The following WDR27 variants were observed in gnomAD, a reference collection of about 807,000 sequenced individuals.
WDR27 encodes WD repeat-containing protein 27.
WDR27 carries 100 observed loss-of-function variants against 114.4 expected under a neutral mutation model. That is an observed-to-expected ratio of 0.87 (90% CI 0.74 to 1.03). The LOEUF is 1.03. WDR27 is among the 50% of genes least tolerant of loss of function. WDR27 has a pLI of 0.00. For missense variants in WDR27, 1,129 were observed against 1,092.9 expected, an observed-to-expected ratio of 1.03 and a Z score of -0.47; for synonymous variants, 449 against 423.1, an observed-to-expected ratio of 1.06 and a Z score of -0.75.
chr6:169,547,175 T>C (rs1306365792), intron 25 of WDR27, among the ~76,000 whole-genome samples: 1 of 152,154 alleles, frequency 6.6e-6, no homozygotes, highest in Non-Finnish European at 1.5e-5. Flanking sequence ...GAATCAATAA[T>C]TAATAACTTC....
At chr6:169,697,684 TTC>T (rs916395143) in intron 1 of WDR27, among the ~76,000 whole-genome samples, 1 of 152,196 alleles carries the variant, frequency 6.6e-6, no homozygotes, top group Admixed American at 6.5e-5. Context: ...TGTAAGTTGT[TTC>T]TCTCTGTCTC....
In WDR27 at chr6:169,684,743, G is replaced by C. The variant is rs1447811564; in HGVS notation, c.189+4074C>G. Among the ~76,000 whole-genome samples, 2 of 152,192 alleles carry C rather than the reference G, an allele frequency of 1.3e-5. No individual in the cohort carries two copies. Among genetic ancestry groups the C allele is most frequent in the African/African-American group, 4.8e-5 (2 of 41,444 alleles). Reference sequence around the variant, plus strand: ...CAAAGCCTGAGAAACAGCTCTATGGGCCACCCCTAATGGGCATGCCCGCAG... The same window carrying C: ...CAAAGCCTGAGAAACAGCTCTATGGCCCACCCCTAATGGGCATGCCCGCAG... On this transcript the variant is annotated intron_variant, in intron 2 of 25. Transcript: ENST00000448612. The surrounding 1 kb of genome is among the most constrained non-coding windows in gnomAD (Gnocchi z 4.3).
intron 21 of WDR27, among the ~76,000 whole-genome samples, chr6:169,621,375 T>G (rs931429309): frequency 1.3e-5 from 2 of 149,890 alleles, no homozygotes; most frequent in African/African-American, 4.9e-5. Context: ...CATGCATGCA[T>G]GTAGACATAC....
At position 169,659,163 on chromosome 6, in the gene WDR27, C is replaced by T; in HGVS notation, c.1242G>A (p.Val414=). The T allele has an allele frequency of 6.2e-7, 1 of 1,611,542 alleles. No homozygotes were observed. The highest frequency in any genetic ancestry group is 2.2e-5 in the East Asian group (1 of 44,822). The change falls in exon 12 of 26, where the codon GTG becomes GTA. Residue 414 remains valine, a synonymous_variant. Coordinates refer to ENST00000448612, the MANE Select transcript of WDR27 (RefSeq NM_182552.5). The surrounding 1 kb of genome is among the most constrained non-coding windows in gnomAD (Gnocchi z 4.3). ...LASLFGGKIA[V]LEINPAALVR... ...CTAGCGCGGCCGGGTTGATCTCCAA[C>T]ACGGCAATCTTCCCGCCAAAGAGGG... is the stretch of plus-strand genomic sequence containing the variant.
At chr6:169,585,164 G>A (rs1804298458) in intron 23 of WDR27, among the ~76,000 whole-genome samples, 1 of 152,102 alleles carries the variant, frequency 6.6e-6, no homozygotes, top group Non-Finnish European at 1.5e-5. Flanking sequence ...AACTCAAAAT[G>A]GATGAAAGGC....
At chr6:169,476,884 A>T (rs902783804) in intron 25 of WDR27, among the ~76,000 whole-genome samples, 1 of 152,198 alleles carries the variant, frequency 6.6e-6, no homozygotes, top group African/African-American at 2.4e-5. Flanking sequence ...GCAAATAATG[A>T]GAGTTTTATC....
chr6:169,613,657 C>G lies in WDR27; in HGVS notation c.2224-1G>C. 1 of 1,608,954 alleles carries G rather than the reference C, an allele frequency of 6.2e-7. No individual in the cohort carries two copies. The highest frequency in any genetic ancestry group is 8.5e-7 in the Non-Finnish European group (1 of 1,175,914). On this transcript the variant is annotated splice_acceptor_variant, in intron 21 of 25. Transcript: ENST00000448612. LOFTEE classifies it high-confidence loss of function. ...GCTGTTGGGTTGTAAATGATGAACC[C>G]TATAATTTTAAGGGGGAAATCAAGA...
Position 169,688,948 on chromosome 6 carries a change from T to C in WDR27, c.58A>G (p.Ile20Val), listed in dbSNP as rs138374105. Reference sequence around the variant, plus strand: ...TTGGATTCAACCAGGTATTTTTCTATAACTATATCACTTAGACAGCCACCA... The same window carrying C: ...TTGGATTCAACCAGGTATTTTTCTACAACTATATCACTTAGACAGCCACCA... Reference protein sequence around the residue: ...SNGGCLSDIVIEKYLVESKES... With the variant: ...SNGGCLSDIVVEKYLVESKES... Residue 20 changes from isoleucine (I) to valine (V), a missense_variant, in exon 2 of 26, where the codon ATA becomes GTA. Ile to Val is a conservative substitution (Grantham distance 29, BLOSUM62 3). Coordinates refer to ENST00000448612, the MANE Select transcript of WDR27 (RefSeq NM_182552.5). 1.5e-5 allele frequency: 25 copies of C among 1,613,900 alleles called. No individual in the cohort carries two copies. In the African/African-American group the frequency reaches 2.5e-4, roughly 16 times the overall value.
chr6:169,570,790 T>C (rs534165936), intron 25 of WDR27, among the ~76,000 whole-genome samples: 64 of 152,248 alleles, frequency 4.2e-4, no homozygotes, highest in Admixed American at 1.3e-3. Context: ...GATTGTGCCA[T>C]TGCACTCCAG....
intron 25 of WDR27, among the ~76,000 whole-genome samples, chr6:169,550,269 A>T (rs1797925278): frequency 6.6e-6 from 1 of 152,230 alleles, no homozygotes. Context: ...CTAAAATAAC[A>T]CATCTAGCAT....
chr6:169,595,945 GT>G (rs886227542), intron 23 of WDR27, among the ~76,000 whole-genome samples: 1 of 151,462 alleles, frequency 6.6e-6, no homozygotes, highest in Non-Finnish European at 1.5e-5. Flanking sequence ...TCTTCCCAAT[GT>G]TTTTTTAACA....
intron 23 of WDR27, among the ~76,000 whole-genome samples, chr6:169,584,808 C>A (rs1562633645): frequency 6.6e-6 from 1 of 152,106 alleles, no homozygotes; most frequent in Non-Finnish European, 1.5e-5. Flanking sequence ...GGATATTAAA[C>A]CCTTATCAGG....
chr6:169,527,927 T>C (rs1421003030), intron 25 of WDR27, among the ~76,000 whole-genome samples: 3 of 152,068 alleles, frequency 2.0e-5, no homozygotes, highest in Non-Finnish European at 4.4e-5. Flanking sequence ...CGTTAAGAAA[T>C]AGACCAAATA....
chr6:169,511,507 C>A lies in WDR27; in HGVS notation c.2646-53873G>T, dbSNP rs1382677683. Among the ~76,000 whole-genome samples, 48 of 142,738 alleles carry A rather than the reference C, an allele frequency of 3.4e-4. 1 individual carries two copies. The Admixed American group carries it at 3.4e-3, about 10-fold the overall frequency. The allele number at this position is 142,738 out of a possible 152,430, so 93.6% of individuals were successfully genotyped here. On this transcript the variant is annotated intron_variant, in intron 25 of 25. Coordinates refer to ENST00000448612, the MANE Select transcript of WDR27 (RefSeq NM_182552.5). Reference sequence around the variant, plus strand: ...TTGCCTTCCCCCCAAAATATAATTTCATTCTCTTAATCATAGATCTGTATT... The same window carrying A: ...TTGCCTTCCCCCCAAAATATAATTTAATTCTCTTAATCATAGATCTGTATT...
chr6:169,620,361 A>G (rs923240157), intron 21 of WDR27, among the ~76,000 whole-genome samples: 2 of 152,168 alleles, frequency 1.3e-5, no homozygotes, highest in Non-Finnish European at 1.5e-5. Flanking sequence ...ATTTGCCCAC[A>G]AGGAAATTCC....
chr6:169,636,975 C>T (rs1377609307), intron 18 of WDR27, among the ~76,000 whole-genome samples: 1 of 152,202 alleles, frequency 6.6e-6, no homozygotes, highest in African/African-American at 2.4e-5. Context: ...TTAATTGACA[C>T]TTCCTTTCTT....
At chr6:169,435,113 C>T in the WDR27 span, among the ~76,000 whole-genome samples, 1 of 152,344 alleles carries the variant, frequency 6.6e-6, no homozygotes. Context: ...GTGCAAGCCC[C>T]AAGCCTTGGC....
chr6:169,486,378 G>T (rs1788894861), intron 25 of WDR27, among the ~76,000 whole-genome samples: 1 of 152,186 alleles, frequency 6.6e-6, no homozygotes. Context: ...CACCCTAACT[G>T]CAGCACAGGC....
intron 25 of WDR27, among the ~76,000 whole-genome samples, chr6:169,465,258 C>CAAAAAAA (rs56688798): frequency 4.0e-5 from 4 of 101,158 alleles, no homozygotes; most frequent in African/African-American, 1.3e-4. Context: ...AACTCCATCT[C>CAAAAAAA]AAAAAAAAAA....
Sources: gnomAD v4.1 joint callset for allele counts (sites outside exome capture counted in the v4.1 genomes callset) on GRCh38, gnomAD v4.1.1 for gene constraint, Gnocchi (gnomAD v3.1) non-coding constraint, MANE v1.5 for transcripts, NCBI Gene and HGNC (gene_info 2026-07-23, HGNC 2026-07-21) for gene names.